The following HGFAC variants were observed in gnomAD, a reference collection of about 807,000 sequenced individuals.
HGFAC encodes hepatocyte growth factor activator serine protease.
A neutral mutation model predicts 70.6 loss-of-function variants in HGFAC; 76 were observed. That is an observed-to-expected ratio of 1.08 (90% CI 0.89 to 1.30). The LOEUF (loss-of-function observed/expected upper bound fraction) is 1.30, where lower values mean the gene tolerates loss of function less well. Ranked by LOEUF, HGFAC falls within the 50% of genes most tolerant of loss-of-function variation. HGFAC has a pLI of 0.00. For missense variants in HGFAC, 1,044 were observed against 933.7 expected, an observed-to-expected ratio of 1.12 and a Z score of -1.54; for synonymous variants, 464 against 405.3, an observed-to-expected ratio of 1.14 and a Z score of -1.74.
chr4:3,446,909 C>A (rs527902091), intron 10 of HGFAC, among the ~76,000 whole-genome samples: 1 of 152,306 alleles, frequency 6.6e-6, no homozygotes, highest in East Asian at 1.9e-4. Context: ...AGGGTGGGGT[C>A]CTGCGTGGCC....
In HGFAC at chr4:3,442,073, G is replaced by C. The variant is rs372137428; in HGVS notation, c.72G>C (p.Leu24=). The C allele has an allele frequency of 1.3e-4, 176 of 1,398,202 alleles. No homozygotes were observed. In the African/African-American group the frequency reaches 1.5e-3, roughly 12 times the overall value. The allele number at this position is 1,398,202 out of a possible 1,614,324, so 86.6% of individuals were successfully genotyped here. ...PGLGPFLLLL[L]LLLLLPRGFQ... is the part of the protein sequence containing the mutation. ...TGGGCCCCTTCCTCCTCCTCCTCCT[G>C]CTGCTGCTGCTGCTGCCACGGGGGT... The change falls in exon 1 of 14, where the codon CTG becomes CTC. Residue 24 remains leucine, a synonymous_variant. Transcript: ENST00000382774.
chr4:3,445,659 C>G, intron 9 of HGFAC: 1 of 606,290 alleles, frequency 1.6e-6, no homozygotes, highest in Non-Finnish European at 2.9e-6. Context: ...GCGTGCAGGC[C>G]CCCCAGAGGC....
upstream of HGFAC, chr4:3,441,820 G>A (rs976782583): frequency 6.3e-5 from 32 of 507,450 alleles, no homozygotes; most frequent in African/African-American, 6.1e-4. The surrounding 1 kb of genome is among the most constrained non-coding windows in gnomAD (Gnocchi z 6.0). Context: ...GGGCTTCCAG[G>A]TAGGGTCAAA....
chr4:3,444,484 G>C, intron 6 of HGFAC, 42 bp downstream of exon 6: 1 of 1,550,544 alleles, frequency 6.4e-7, no homozygotes. Flanking sequence ...CCCCTGACGG[G>C]TGTCCCTGTC....
intron 11 of HGFAC, 105 bp from the exon 12 acceptor site, chr4:3,447,790 G>A (rs1343860537): frequency 3.2e-6 from 5 of 1,539,120 alleles, no homozygotes; most frequent in Non-Finnish European, 4.4e-6. Flanking sequence ...GATCTCCCAG[G>A]CTGCCCTGTG....
Position 3,447,974 on chromosome 4 carries a change from C to A in HGFAC, c.1575C>A (p.Pro525=), listed in dbSNP as rs776377583. The A allele has an allele frequency of 1.3e-6, 2 of 1,589,670 alleles. No individual in the cohort carries two copies. The highest frequency in any genetic ancestry group is 4.6e-5 in the East Asian group (2 of 43,408). The part of the protein sequence containing the change: ...QFVQPICLPE[P]GSTFPAGHKC... ...TGCAGCCCATCTGCCTGCCCGAGCC[C>A]GGCAGCACCTTCCCCGCAGGACACA... The change falls in exon 12 of 14, where the codon CCC becomes CCA. Residue 525 remains proline (P), a synonymous_variant. Coordinates refer to ENST00000382774, the MANE Select transcript of HGFAC (RefSeq NM_001528.4).
chr4:3,447,671 G>A (rs773223640), intron 11 of HGFAC, 40 bp downstream of exon 11: 1 of 1,608,720 alleles, frequency 6.2e-7, no homozygotes, highest in South Asian at 1.1e-5. Flanking sequence ...TGGGCAGGTG[G>A]GCCCTGTGCT....
rs1261086594 is a variant in HGFAC at position 3,447,875 on chromosome 4, C to G, written c.1496-20C>G. 1 of 1,606,028 alleles carries G rather than the reference C, an allele frequency of 6.2e-7. No homozygotes were observed. Among genetic ancestry groups the G allele is most frequent in the Non-Finnish European group, 8.5e-7 (1 of 1,175,440 alleles). ...TCAGCCCGCACACCACAGGCTGACC[C>G]TGGCCACTCTTCTGATCAGTCCTGA... On this transcript the variant is annotated intron_variant, in intron 11 of 13. Transcript: ENST00000382774.
chr4:3,445,300 T>G lies in HGFAC; in HGVS notation c.1052T>G (p.Val351Gly). 6.3e-7 allele frequency: 1 copy of G among 1,589,196 alleles called. No homozygotes were observed. Among genetic ancestry groups the G allele is most frequent in the East Asian group, 2.3e-5 (1 of 43,186 alleles). The part of the protein sequence containing the change: ...PDNDERPWCY[V>G]VKDSALSWEY... ...AATGACGAGAGGCCCTGGTGCTACG[T>G]GGTGAAGGACAGCGCGCTCTCCTGG... Residue 351 changes from valine (V) to glycine (G), a missense_variant, in exon 9 of 14, where the codon GTG (valine) becomes GGG (glycine). Val to Gly is a moderately radical substitution (Grantham distance 109, BLOSUM62 -3). Transcript: ENST00000382774.
intron 8 of HGFAC, 92 bp from the exon 9 acceptor site, chr4:3,445,173 G>A: frequency 7.5e-7 from 1 of 1,328,318 alleles, no homozygotes; most frequent in Admixed American, 2.0e-5. Flanking sequence ...CAGGTGCGGG[G>A]AACCGCCCTG....
chr4:3,447,965 G>T lies in HGFAC; in HGVS notation c.1566G>T (p.Leu522=), dbSNP rs907650708. The T allele has an allele frequency of 1.3e-6, 2 of 1,594,996 alleles. No homozygotes were observed. Among genetic ancestry groups the T allele is most frequent in the Non-Finnish European group, 1.7e-6 (2 of 1,171,610 alleles). The change falls in exon 12 of 14, where the codon CTG becomes CTT. Residue 522 remains leucine, a synonymous_variant. Coordinates refer to ENST00000382774, the MANE Select transcript of HGFAC (RefSeq NM_001528.4). ...TRSQFVQPIC[L]PEPGSTFPAG... The stretch of plus-strand genomic sequence containing the variant: ...CGCAGTTCGTGCAGCCCATCTGCCT[G>T]CCCGAGCCCGGCAGCACCTTCCCCG...
rs1329761658 is a variant in HGFAC at position 3,448,206 on chromosome 4, T to A, written c.1715T>A (p.Val572Asp). The change falls in exon 13 of 14, where the codon GTC becomes GAC. Residue 572 changes from valine (V) to aspartate (D), a missense_variant. Physicochemically the swap from Val to Asp is radical, Grantham distance 152 (BLOSUM62 -3). Transcript: ENST00000382774. ...GACCACAAGTGCAGCAGCCCTGAGG[T>A]CTACGGCGCCGACATCAGCCCCAAC... is the stretch of plus-strand genomic sequence containing the variant. Reference protein sequence around the residue: ...VADHKCSSPEVYGADISPNML... With the variant: ...VADHKCSSPEDYGADISPNML... 1 of 1,606,894 alleles carries A rather than the reference T, an allele frequency of 6.2e-7. No homozygotes were observed. The highest frequency in any genetic ancestry group is 1.3e-5 in the African/African-American group (1 of 74,790).
Position 3,444,171 on chromosome 4 carries a change from G to T in HGFAC, c.598+10G>T, listed in dbSNP as rs754566283. 2.8e-5 allele frequency: 44 copies of T among 1,591,070 alleles called. No individual in the cohort carries two copies. Among genetic ancestry groups the T allele is most frequent in the Non-Finnish European group, 8.5e-7 (1 of 1,169,714 alleles). On this transcript the variant is annotated intron_variant, in intron 5 of 13. Transcript: ENST00000382774. ...AAGGACTGCGGCACAGGTGAGCTGG[G>T]CCTCGGAGGTCCGCAGGGGTCCAGG...
intron 10 of HGFAC, among the ~76,000 whole-genome samples, chr4:3,447,033 T>A (rs1025115707): frequency 6.6e-6 from 1 of 151,984 alleles, no homozygotes; most frequent in African/African-American, 2.4e-5. Flanking sequence ...CGAGGCAGGG[T>A]GGAGCGACCT....
rs1379408480 is a variant in HGFAC at position 3,448,161 on chromosome 4, C to A, written c.1670C>A (p.Ala557Asp). The change falls in exon 13 of 14, where the codon GCC (alanine) becomes GAC (aspartate). Residue 557 changes from alanine to aspartate, a missense_variant. By Grantham distance (126) the Ala-to-Asp change is moderately radical. Coordinates refer to ENST00000382774, the MANE Select transcript of HGFAC (RefSeq NM_001528.4). ...VSGYSSSLREALVPLVADHKC... is the reference protein window; with the variant it reads ...VSGYSSSLREDLVPLVADHKC... ...GGCTACTCCAGCTCCCTGCGGGAGG[C>A]CCTGGTCCCCCTGGTCGCCGACCAC... The A allele has an allele frequency of 6.9e-6, 11 of 1,598,266 alleles. No individual in the cohort carries two copies. The highest frequency in any genetic ancestry group is 9.4e-6 in the Non-Finnish European group (11 of 1,173,792).
chr4:3,442,667 T>C, intron 1 of HGFAC, 65 bp from the exon 2 acceptor site: 1 of 1,227,106 alleles, frequency 8.1e-7, no homozygotes, highest in Non-Finnish European at 1.1e-6. Flanking sequence ...GGCTGTGACC[T>C]CCTGCCCGGC....
Position 3,447,625 on chromosome 4 carries a change from G to T in HGFAC, c.1489G>T (p.Asp497Tyr), listed in dbSNP as rs996743028. The T allele has an allele frequency of 1.2e-6, 2 of 1,612,450 alleles. No homozygotes were observed. The highest frequency in any genetic ancestry group is 1.3e-5 in the African/African-American group (1 of 74,930). ...LYSVFNPSDH[D>Y]LVLIRLKKKG... ...CTCGGTGTTCAACCCCAGCGACCAC[G>T]ACCTCGGTGAGCTCCGGCGTGTCGT... Residue 497 changes from aspartate to tyrosine, a missense_variant, in exon 11 of 14, where the codon GAC (aspartate) becomes TAC (tyrosine). Physicochemically the swap from Asp to Tyr is radical, Grantham distance 160. Coordinates refer to ENST00000382774, the MANE Select transcript of HGFAC (RefSeq NM_001528.4).
intron 13 of HGFAC, 116 bp downstream of exon 13, chr4:3,448,392 G>A: frequency 1.6e-6 from 2 of 1,261,222 alleles, no homozygotes; most frequent in South Asian, 1.4e-5. Context: ...ACCTGGCAGG[G>A]CCAGCCAGGG....
chr4:3,444,897 G>T lies in HGFAC; in HGVS notation c.920G>T (p.Cys307Phe). 1 of 1,609,212 alleles carries T rather than the reference G, an allele frequency of 6.2e-7. No individual in the cohort carries two copies. The highest frequency in any genetic ancestry group is 8.5e-7 in the Non-Finnish European group (1 of 1,178,624). The change falls in exon 8 of 14, where the codon TGC (cysteine) becomes TTC (phenylalanine). Residue 307 changes from cysteine to phenylalanine, a missense_variant. Physicochemically the swap from Cys to Phe is radical, Grantham distance 205. Transcript: ENST00000382774. ...AGCACCTCAGCCTCGGGCCTCAGCTGCCTGGCCTGGAACTCCGATCTGCTC... is the reference window on the plus strand; with the variant it reads ...AGCACCTCAGCCTCGGGCCTCAGCTTCCTGGCCTGGAACTCCGATCTGCTC... ...VASTSASGLS[C>F]LAWNSDLLYQ... is the part of the protein sequence containing the mutation.
Sources: allele counts gnomAD v4.1 joint callset (sites outside exome capture counted in the v4.1 genomes callset), GRCh38; gene constraint gnomAD v4.1.1; non-coding constraint Gnocchi (gnomAD v3.1); transcripts MANE v1.5; gene names NCBI Gene and HGNC (gene_info 2026-07-23, HGNC 2026-07-21).